ZMAT4: variants seen among roughly 807,000 people sequenced by gnomAD.
The protein encoded by ZMAT4 is zinc finger matrin-type 4, also known as zinc finger matrin-type protein 4.
A neutral mutation model predicts 28.7 loss-of-function variants in ZMAT4; 17 were observed. The observed-to-expected ratio is 0.59, with a 90% CI of 0.41 to 0.89. ZMAT4 has a LOEUF of 0.89. Ranked by LOEUF, ZMAT4 falls within the 40% of genes least tolerant of loss-of-function variation. The pLI, the probability that ZMAT4 is intolerant of heterozygous loss-of-function variation, is 0.00. For missense variants in ZMAT4, 240 were observed against 283.8 expected (o/e 0.85, Z 1.11); for synonymous variants, 117 against 109.2 (o/e 1.07, Z -0.44).
At chr8:40,580,178 C>A (rs1343805404) in intron 6 of ZMAT4, among the ~76,000 whole-genome samples, 4 of 151,736 alleles carry the variant, frequency 2.6e-5, no homozygotes, top group African/African-American at 9.7e-5. Flanking sequence ...ACGCCTGGCT[C>A]ATTTTTTGTA....
chr8:40,703,327 G>A (rs191315112), intron 3 of ZMAT4, among the ~76,000 whole-genome samples: 2 of 152,300 alleles, frequency 1.3e-5, no homozygotes, highest in Admixed American at 1.3e-4. Context: ...CAGCCCAAAT[G>A]TCTGCCAACT....
chr8:40,719,693 C>T (rs1811000441), intron 3 of ZMAT4, among the ~76,000 whole-genome samples: 1 of 152,104 alleles, frequency 6.6e-6, no homozygotes, highest in Non-Finnish European at 1.5e-5. Flanking sequence ...CCTCAGGCTA[C>T]AGAGTAGCAG....
intron 2 of ZMAT4, among the ~76,000 whole-genome samples, chr8:40,820,317 T>C (rs1483122431): frequency 4.0e-5 from 6 of 151,144 alleles, no homozygotes; most frequent in East Asian, 1.9e-4. Context: ...TGTGGGTCTT[T>C]ATGTGTGTAT....
intron 2 of ZMAT4, among the ~76,000 whole-genome samples, chr8:40,794,181 G>C (rs1814485049): frequency 6.6e-6 from 1 of 152,152 alleles, no homozygotes; most frequent in African/African-American, 2.4e-5. Flanking sequence ...ATGTGGTGCA[G>C]AACTCGGATA....
At chr8:40,771,832 T>C (rs1813402183) in intron 2 of ZMAT4, among the ~76,000 whole-genome samples, 1 of 152,222 alleles carries the variant, frequency 6.6e-6, no homozygotes, top group Non-Finnish European at 1.5e-5. Flanking sequence ...CATCTGAAAC[T>C]GGCTCTTACG....
intron 6 of ZMAT4, among the ~76,000 whole-genome samples, chr8:40,545,144 A>T (rs1467356348): frequency 2.0e-5 from 3 of 152,042 alleles, no homozygotes; most frequent in Admixed American, 6.6e-5. Flanking sequence ...CCCACAAGGA[A>T]CCAAATCTTT....
At chr8:40,621,849 C>T (rs1467836824) in intron 5 of ZMAT4, among the ~76,000 whole-genome samples, 1 of 152,164 alleles carries the variant, frequency 6.6e-6, no homozygotes, top group Non-Finnish European at 1.5e-5. Flanking sequence ...ATGAATTGTT[C>T]AAGGCAAGTT....
At chr8:40,614,416 A>G (rs1585760662) in intron 5 of ZMAT4, among the ~76,000 whole-genome samples, 1 of 152,318 alleles carries the variant, frequency 6.6e-6, no homozygotes, top group Admixed American at 6.5e-5. Flanking sequence ...TTTGGGGTGG[A>G]GAGTTCTGTA....
chr8:40,684,615 G>A (rs1442739092), intron 4 of ZMAT4, among the ~76,000 whole-genome samples: 2 of 152,142 alleles, frequency 1.3e-5, no homozygotes, highest in Admixed American at 1.3e-4. Context: ...TTACTTATCC[G>A]GCAGCATTAG....
chr8:40,645,662 G>C (rs1585808125), intron 5 of ZMAT4, among the ~76,000 whole-genome samples: 1 of 152,214 alleles, frequency 6.6e-6, no homozygotes, highest in East Asian at 1.9e-4. Context: ...TAACTGAAAT[G>C]CTTCAAGTTT....
At chr8:40,894,425 A>C (rs957627616) in intron 1 of ZMAT4, among the ~76,000 whole-genome samples, 1 of 152,260 alleles carries the variant, frequency 6.6e-6, no homozygotes, top group Admixed American at 6.5e-5. Context: ...GGGCCCCCTG[A>C]AATGACAGGA....
Position 40,883,431 on chromosome 8 carries a change from G to A in ZMAT4, c.-5+14252C>T, listed in dbSNP as rs1404126488. Among the ~76,000 whole-genome samples the A allele has an allele frequency of 2.0e-5, 3 of 152,100 alleles. No homozygotes were observed. The East Asian group carries it at 5.8e-4, about 29-fold the overall frequency. On this transcript the variant is annotated intron_variant, in intron 1 of 6. Coordinates refer to ENST00000297737, the MANE Select transcript of ZMAT4 (RefSeq NM_024645.3). ...CCTGGAATGTCGAACCCCTCTCCAG[G>A]AAGTCTCTTCCTCTCCTTGCCTCCC...
In ZMAT4 at chr8:40,864,569, C is replaced by T. The variant is rs192344703; in HGVS notation, c.-5+33114G>A. 1.2e-4 allele frequency among the ~76,000 whole-genome samples: 18 copies of T among 152,254 alleles called. No homozygotes were observed. The East Asian group carries it at 3.5e-3, about 29-fold the overall frequency. On this transcript the variant is annotated intron_variant, in intron 1 of 6. Coordinates refer to ENST00000297737, the MANE Select transcript of ZMAT4 (RefSeq NM_024645.3). ...ACACATACCCTGTGTGGCCTGGGTACTCACCCCAGTTGTGGCAGTGATGAG... is the reference window on the plus strand; with the variant it reads ...ACACATACCCTGTGTGGCCTGGGTATTCACCCCAGTTGTGGCAGTGATGAG...
intron 3 of ZMAT4, among the ~76,000 whole-genome samples, chr8:40,725,380 T>C (rs141510719): frequency 3.9e-5 from 6 of 152,198 alleles, no homozygotes; most frequent in Admixed American, 6.5e-5. Flanking sequence ...AGGGGGGATA[T>C]CTTTTGTTCT....
intron 6 of ZMAT4, among the ~76,000 whole-genome samples, chr8:40,540,979 A>G (rs1803010961): frequency 1.3e-5 from 2 of 152,292 alleles, no homozygotes; most frequent in African/African-American, 4.8e-5. Context: ...TCAAATGCCC[A>G]ACTTCAAATT....
At chr8:40,709,924 G>A (rs1282346464) in intron 3 of ZMAT4, among the ~76,000 whole-genome samples, 1 of 151,896 alleles carries the variant, frequency 6.6e-6, no homozygotes, top group Non-Finnish European at 1.5e-5. Flanking sequence ...TGTAATCTCA[G>A]CTACTGGGAA....
chr8:40,797,097 T>C lies in ZMAT4; in HGVS notation c.102+28478A>G, dbSNP rs76695811. ...ATGCACTCAGAGCTCTGAGCTTTTG[T>C]GCCATCCACCTGGAGTGTCCTTTTC... On this transcript the variant is annotated intron_variant, in intron 2 of 6. Coordinates refer to ENST00000297737, the MANE Select transcript of ZMAT4 (RefSeq NM_024645.3). Among the ~76,000 whole-genome samples, 1,441 of 152,304 alleles carry C rather than the reference T, an allele frequency of 9.5e-3. 23 individuals carry two copies. Among genetic ancestry groups the C allele is most frequent in the African/African-American group, 0.033 (1,391 of 41,566 alleles).
At chr8:40,612,568 C>T (rs1805838053) in intron 5 of ZMAT4, among the ~76,000 whole-genome samples, 1 of 137,066 alleles carries the variant, frequency 7.3e-6, no homozygotes, top group Non-Finnish European at 1.7e-5. Flanking sequence ...TCTGTCATGA[C>T]CTTGTGTTTA....
At chr8:40,821,622 C>G (rs184017209) in intron 2 of ZMAT4, among the ~76,000 whole-genome samples, 19 of 152,254 alleles carry the variant, frequency 1.2e-4, no homozygotes, top group Non-Finnish European at 2.4e-4. Context: ...TAGGCATTAA[C>G]CCATCTGTTT....
Sources: gnomAD v4.1 joint callset for allele counts (sites outside exome capture counted in the v4.1 genomes callset) on GRCh38, gnomAD v4.1.1 for gene constraint, MANE v1.5 for transcripts, NCBI Gene and HGNC (gene_info 2026-07-23, HGNC 2026-07-21) for gene names.